SMARCE1: variants seen among roughly 807,000 people sequenced by gnomAD.
The protein encoded by SMARCE1 is SWI/SNF-related matrix-associated actin-dependent regulator of chromatin subfamily E member 1.
A neutral mutation model predicts 54.9 loss-of-function variants in SMARCE1; 13 were observed. The ratio of observed to expected loss-of-function variants is 0.24; its 90% confidence interval spans 0.15 to 0.38. SMARCE1 has a LOEUF of 0.38. Among genes scored for constraint, SMARCE1 ranks in the 10% least tolerant of loss-of-function variants. The probability of loss-of-function intolerance (pLI) is 1.00; values close to 1 mark genes in which losing one functional copy is unlikely to be tolerated. For missense variants in SMARCE1, 295 were observed against 523.8 expected, an observed-to-expected ratio of 0.56 and a Z score of 4.26; for synonymous variants, 151 against 175.3, an observed-to-expected ratio of 0.86 and a Z score of 1.10.
intron 7 of SMARCE1, chr17:40,632,733 T>C (rs2037107519): frequency 5.5e-6 from 1 of 183,254 alleles, no homozygotes; most frequent in Non-Finnish European, 1.1e-5. Context: ...GGTAGTAACT[T>C]AAGGCATTTA....
At position 40,632,442 on chromosome 17, in the gene SMARCE1, A is replaced by G; in HGVS notation, c.542-75T>C. On this transcript the variant is annotated intron_variant, in intron 7 of 10. Coordinates refer to ENST00000348513, the MANE Select transcript of SMARCE1 (RefSeq NM_003079.5). Reference sequence around the variant, plus strand: ...AGGAGTGTAACAATGTTAACACTTAATTACCAACGAACTATGGCCCTCACT... The same window carrying G: ...AGGAGTGTAACAATGTTAACACTTAGTTACCAACGAACTATGGCCCTCACT... 1.1e-5 allele frequency: 15 copies of G among 1,305,208 alleles called. No homozygotes were observed. In the South Asian group the frequency reaches 1.7e-4, roughly 15 times the overall value. 80.9% of individuals were successfully genotyped at this position (1,305,208 alleles called of 1,614,324 possible). A position where few individuals can be genotyped will look rare whatever the true frequency, so the allele number is the denominator to read the frequency against.
chr17:40,633,823 AAG>A (rs1361177155), intron 7 of SMARCE1: 2 of 152,336 alleles, frequency 1.3e-5, no homozygotes, highest in South Asian at 4.1e-4. Flanking sequence ...TCTACTTTTT[AAG>A]AGTTTTTCAC....
chr17:40,647,654 G>C (rs1490742088), intron 1 of SMARCE1, 119 bp downstream of exon 1: 1 of 152,768 alleles, frequency 6.5e-6, no homozygotes, highest in African/African-American at 2.4e-5. Context: ...CCGGCTCCTG[G>C]CTCTGGCCCC....
chr17:40,635,451 T>A (rs1330414524), intron 7 of SMARCE1: 1 of 152,596 alleles, frequency 6.6e-6, no homozygotes, highest in Admixed American at 6.5e-5. Flanking sequence ...TACCCTCATG[T>A]ACACCCATAC....
At chr17:40,638,639 T>G (rs2037167698) in intron 4 of SMARCE1, among the ~76,000 whole-genome samples, 1 of 152,128 alleles carries the variant, frequency 6.6e-6, no homozygotes, top group African/African-American at 2.4e-5. Context: ...CTGCATTTGA[T>G]TAAAGACCCA....
In SMARCE1 at chr17:40,642,049, C is replaced by T. The variant is rs2037204765; in HGVS notation, c.156+406G>A. ...GTGTACCAGCCAAAAGCTTTCCAGC[C>T]CTGAAAAAGCCAGGTCTGAAAGACC... On this transcript the variant is annotated intron_variant, in intron 4 of 10. Coordinates refer to ENST00000348513, the MANE Select transcript of SMARCE1 (RefSeq NM_003079.5). This position sits in a 1 kb window ranked among gnomAD's most constrained non-coding sequence, Gnocchi z 4.6. 4.0e-6 allele frequency: 1 copy of T among 249,722 alleles called. No homozygotes were observed. The highest frequency in any genetic ancestry group is 7.5e-6 in the Non-Finnish European group (1 of 133,502). 15.5% of individuals were successfully genotyped at this position (249,722 alleles called of 1,614,324 possible).
intron 4 of SMARCE1, among the ~76,000 whole-genome samples, chr17:40,638,710 T>G (rs2037168195): frequency 6.6e-6 from 1 of 152,200 alleles, no homozygotes; most frequent in African/African-American, 2.4e-5. Context: ...TCTCTGATAT[T>G]GACTCTCCCT....
intron 5 of SMARCE1, 140 bp from the exon 6 acceptor site, chr17:40,636,666 C>A (rs1165626603): frequency 9.7e-6 from 6 of 615,930 alleles, no homozygotes; most frequent in Non-Finnish European, 1.7e-5. Flanking sequence ...CAGCCTACTT[C>A]AAAAATTATC....
In SMARCE1 at chr17:40,642,592, G is replaced by T; in HGVS notation, c.52-33C>A. On this transcript the variant is annotated intron_variant, in intron 3 of 10. Transcript: ENST00000348513. This position sits in a 1 kb window ranked among gnomAD's most constrained non-coding sequence, Gnocchi z 4.6. Reference sequence around the variant, plus strand: ...AAACAAATGAGACAAAAACACGAATGAGAAATGAGCTCAAACGAGGAAAAC... The same window carrying T: ...AAACAAATGAGACAAAAACACGAATTAGAAATGAGCTCAAACGAGGAAAAC... 1.5e-6 allele frequency: 2 copies of T among 1,305,154 alleles called. No homozygotes were observed. The highest frequency in any genetic ancestry group is 1.1e-6 in the Non-Finnish European group (1 of 905,434). 80.8% of individuals were successfully genotyped at this position (1,305,154 alleles called of 1,614,324 possible).
chr17:40,637,710 T>G, intron 4 of SMARCE1, 138 bp from the exon 5 acceptor site: 1 of 645,776 alleles, frequency 1.5e-6, no homozygotes, highest in Non-Finnish European at 2.8e-6. Flanking sequence ...TAGCTATCAC[T>G]GCAAATTCAG....
intron 4 of SMARCE1, chr17:40,641,479 C>T (rs2037199689): frequency 6.6e-6 from 1 of 152,190 alleles, no homozygotes. Flanking sequence ...GCTTTCAGTT[C>T]CAGCTTGACT....
chr17:40,636,316 T>C, intron 6 of SMARCE1, 79 bp downstream of exon 6: 1 of 1,467,040 alleles, frequency 6.8e-7, no homozygotes, highest in South Asian at 1.2e-5. Flanking sequence ...GACCAAATCT[T>C]ATGTTACTTT....
At chr17:40,647,223 T>C (rs1452824955) in intron 1 of SMARCE1, 1 of 152,338 alleles carries the variant, frequency 6.6e-6, no homozygotes, top group Non-Finnish European at 1.5e-5. Context: ...TATGACACTA[T>C]TTCGCTTAAC....
chr17:40,635,637 G>A, intron 7 of SMARCE1: 1 of 214,616 alleles, frequency 4.7e-6, no homozygotes, highest in African/African-American at 2.3e-5. Context: ...CTTTTTAAAA[G>A]CAGATGAGGC....
chr17:40,646,848 C>A (rs970397485), intron 1 of SMARCE1, among the ~76,000 whole-genome samples: 1 of 152,194 alleles, frequency 6.6e-6, no homozygotes, highest in Non-Finnish European at 1.5e-5. Flanking sequence ...TTCCCTGGAG[C>A]ATAAGGAATG....
At chr17:40,632,431 G>A in intron 7 of SMARCE1, 64 bp from the exon 8 acceptor site, 5 of 1,411,460 alleles carry the variant, frequency 3.5e-6, no homozygotes, top group East Asian at 2.3e-5. Flanking sequence ...GTGTAACAAT[G>A]TTAACACTTA....
rs890133471 is a variant in SMARCE1, at chr17:40,645,866, GAAA to G, written c.-45-22_-45-20del. On this transcript the variant is annotated intron_variant, in intron 1 of 10. Transcript: ENST00000348513. ...TGAGACACTAAAATAAAAAAAAAAG[GAAA>G]AAAAAAAGAGAATCAAAACTCAGCA... 6.0e-5 allele frequency: 40 copies of G among 667,682 alleles called. No homozygotes were observed. The highest frequency in any genetic ancestry group is 8.3e-5 in the Non-Finnish European group (38 of 459,170). The allele number at this position is 667,682 out of a possible 1,614,324, so 41.4% of individuals were successfully genotyped here.
intron 9 of SMARCE1, 89 bp from the exon 10 acceptor site, chr17:40,631,013 ATAAACTATATAT>A: frequency 1.1e-6 from 1 of 943,700 alleles, no homozygotes; most frequent in Non-Finnish European, 1.6e-6. Context: ...TTTCTTGCCT[ATAAACTATATAT>A]ATATATCTAT....
intron 4 of SMARCE1, chr17:40,640,889 C>T (rs2037192856): frequency 6.6e-6 from 1 of 152,186 alleles, no homozygotes; most frequent in Non-Finnish European, 1.5e-5. Context: ...AGATGAGTGA[C>T]TTCAGATAGG....
Sources: allele counts gnomAD v4.1 joint callset (sites outside exome capture counted in the v4.1 genomes callset), GRCh38; gene constraint gnomAD v4.1.1; non-coding constraint Gnocchi (gnomAD v3.1); transcripts MANE v1.5; gene names NCBI Gene and HGNC (gene_info 2026-07-23, HGNC 2026-07-21).